The following ADAMTSL4 variants were observed in gnomAD, a reference collection of about 807,000 sequenced individuals.
The protein encoded by ADAMTSL4 is ADAMTS like 4.
In ADAMTSL4, 97 loss-of-function variants were observed where a neutral mutation model predicts 122.8. The observed-to-expected ratio is 0.79, with a 90% CI of 0.67 to 0.93. The LOEUF (loss-of-function observed/expected upper bound fraction) is 0.93, where lower values mean the gene tolerates loss of function less well. Among genes scored for constraint, ADAMTSL4 ranks in the 40% least tolerant of loss-of-function variants. ADAMTSL4 has a pLI of 0.00. For missense variants in ADAMTSL4, 1,408 were observed against 1,453.5 expected, an observed-to-expected ratio of 0.97 and a Z score of 0.51; for synonymous variants, 592 against 568.0, an observed-to-expected ratio of 1.04 and a Z score of -0.60.
Position 150,556,175 on chromosome 1 carries a change from A to G in ADAMTSL4, c.1385A>G (p.Asp462Gly). Reference sequence around the variant, plus strand: ...CACTCTCTCCAGAGCCCCGGCTGTGATGGGATCCTTGGCTCTGGCAGGCGT... The same window carrying G: ...CACTCTCTCCAGAGCCCCGGCTGTGGTGGGATCCTTGGCTCTGGCAGGCGT... ...VAGRCLSPGCDGILGSGRRPD... is the reference protein window; with the variant it reads ...VAGRCLSPGCGGILGSGRRPD... Residue 462 changes from aspartate (D) to glycine (G), a missense_variant, in exon 9 of 19, where the codon GAT becomes GGT. Coordinates refer to ENST00000271643, the MANE Select transcript of ADAMTSL4 (RefSeq NM_019032.6). This position sits in a 1 kb window ranked among gnomAD's most constrained non-coding sequence, Gnocchi z 4.1. 3 of 1,614,050 alleles carry G rather than the reference A, an allele frequency of 1.9e-6. No individual in the cohort carries two copies. In the East Asian group the frequency reaches 6.7e-5, roughly 36 times the overall value.
chr1:150,558,704 A>G (rs753962559), intron 15 of ADAMTSL4, 55 bp downstream of exon 15: 1 of 1,613,128 alleles, frequency 6.2e-7, no homozygotes. Context: ...CGCCCAGGAC[A>G]CCTCAGCCTT....
At position 150,552,805 on chromosome 1, in the gene ADAMTSL4, G is replaced by A; in HGVS notation, c.79-93G>A. 1 of 1,402,696 alleles carries A rather than the reference G, an allele frequency of 7.1e-7. No homozygotes were observed. Among genetic ancestry groups the A allele is most frequent in the South Asian group, 1.2e-5 (1 of 86,556 alleles). The allele number at this position is 1,402,696 out of a possible 1,614,324, so 86.9% of individuals were successfully genotyped here. On this transcript the variant is annotated intron_variant, in intron 4 of 18. Coordinates refer to ENST00000271643, the MANE Select transcript of ADAMTSL4 (RefSeq NM_019032.6). The surrounding 1 kb of genome is among the most constrained non-coding windows in gnomAD (Gnocchi z 4.0). Reference sequence around the variant, plus strand: ...TGCTGAATGTGACCTTGGACTGGTAGCGACTCCGTGAGCCTCAGTGTTGGT... The same window carrying A: ...TGCTGAATGTGACCTTGGACTGGTAACGACTCCGTGAGCCTCAGTGTTGGT...
chr1:150,559,328 C>G lies in ADAMTSL4; in HGVS notation c.2805C>G (p.Ile935Met). 6.2e-7 allele frequency: 1 copy of G among 1,614,084 alleles called. No homozygotes were observed. The stretch of plus-strand genomic sequence containing the variant: ...GCTCTGGCACACAGCGTAGAGACAT[C>G]ATCTGTGTATCCAAACTGGGGACGG... ...ECGSGTQRRD[I>M]ICVSKLGTEF... Residue 935 changes from isoleucine (I) to methionine (M), a missense_variant, in exon 17 of 19, where the codon ATC (isoleucine) becomes ATG (methionine). Coordinates refer to ENST00000271643, the MANE Select transcript of ADAMTSL4 (RefSeq NM_019032.6). This position sits in a 1 kb window ranked among gnomAD's most constrained non-coding sequence, Gnocchi z 4.1.
rs1671809218 is a variant in ADAMTSL4, at chr1:150,554,551, C to CT, written c.1234+85dup. 6.3e-7 allele frequency: 1 copy of CT among 1,581,806 alleles called. No individual in the cohort carries two copies. The highest frequency in any genetic ancestry group is 1.4e-5 in the African/African-American group (1 of 73,810). On this transcript the variant is annotated intron_variant, in intron 7 of 18. Coordinates refer to ENST00000271643, the MANE Select transcript of ADAMTSL4 (RefSeq NM_019032.6). The surrounding 1 kb of genome is among the most constrained non-coding windows in gnomAD (Gnocchi z 4.0). Reference sequence around the variant, plus strand: ...AGGAGATACCTGCTTACTCCCAGCCCTGAATGACTTCCAGCCCCTCTGCTT... The same window carrying CT: ...AGGAGATACCTGCTTACTCCCAGCCCTTGAATGACTTCCAGCCCCTCTGCTT...
At chr1:150,553,299 C>A (rs752674538) in intron 5 of ADAMTSL4, 46 bp downstream of exon 5, 5 of 1,608,740 alleles carry the variant, frequency 3.1e-6, no homozygotes, top group Non-Finnish European at 4.3e-6. Flanking sequence ...AAGGTGGGGG[C>A]TTAGCATGAA....
chr1:150,553,149 C>T lies in ADAMTSL4; in HGVS notation c.330C>T (p.Thr110=), dbSNP rs1472641341. The T allele has an allele frequency of 3.7e-6, 6 of 1,612,936 alleles. No individual in the cohort carries two copies. Among genetic ancestry groups the T allele is most frequent in the East Asian group, 2.2e-5 (1 of 44,880 alleles). Residue 110 remains threonine, a synonymous_variant, in exon 5 of 19, where the codon ACC becomes ACT. Coordinates refer to ENST00000271643, the MANE Select transcript of ADAMTSL4 (RefSeq NM_019032.6). ...QGPRPQTSPE[T]LPLYRTQSRG... is the part of the protein sequence containing the mutation. ...CCAGACCCCAGACTTCTCCAGAAAC[C>T]CTCCCCTTGTACAGGACACAGTCTC... is the stretch of plus-strand genomic sequence containing the variant.
chr1:150,558,078 C>A lies in ADAMTSL4; in HGVS notation c.2311C>A (p.Arg771=). Residue 771 remains arginine (R), a synonymous_variant, in exon 14 of 19, where the codon CGG becomes AGG. Coordinates refer to ENST00000271643, the MANE Select transcript of ADAMTSL4 (RefSeq NM_019032.6). Reference sequence around the variant, plus strand: ...CCCGGAGCGCTGTGGACATCTCCCCCGGCCCAACATCACCCAGTCTTGCCA... The same window carrying A: ...CCCGGAGCGCTGTGGACATCTCCCCAGGCCCAACATCACCCAGTCTTGCCA... ...VPPERCGHLP[R]PNITQSCQLR... 1 of 1,613,210 alleles carries A rather than the reference C, an allele frequency of 6.2e-7. No individual in the cohort carries two copies. Among genetic ancestry groups the A allele is most frequent in the Non-Finnish European group, 8.5e-7 (1 of 1,180,012 alleles).
chr1:150,552,727 C>A lies in ADAMTSL4; in HGVS notation c.78+127C>A. On this transcript the variant is annotated intron_variant, in intron 4 of 18. Coordinates refer to ENST00000271643, the MANE Select transcript of ADAMTSL4 (RefSeq NM_019032.6). The surrounding 1 kb of genome is among the most constrained non-coding windows in gnomAD (Gnocchi z 4.0). ...GCCCACCCACCTCCCCTGCCAACTC[C>A]CCAGTTCCTTGCCTCATAACACCAA... is the stretch of plus-strand genomic sequence containing the variant. 7.4e-7 allele frequency: 1 copy of A among 1,359,406 alleles called. No individual in the cohort carries two copies. The highest frequency in any genetic ancestry group is 1.0e-6 in the Non-Finnish European group (1 of 974,124). 84.2% of individuals were successfully genotyped at this position (1,359,406 alleles called of 1,614,324 possible). A position where few individuals can be genotyped will look rare whatever the true frequency, so the allele number is the denominator to read the frequency against.
intron 5 of ADAMTSL4, 29 bp from the exon 6 acceptor site, chr1:150,553,397 G>A: frequency 6.2e-7 from 1 of 1,612,142 alleles, no homozygotes; most frequent in South Asian, 1.1e-5. Flanking sequence ...GGTCAGAGCT[G>A]TGCCCCCACA....
At chr1:150,558,294 G>T in intron 14 of ADAMTSL4, 145 bp downstream of exon 14, 1 of 1,516,190 alleles carries the variant, frequency 6.6e-7, no homozygotes, top group South Asian at 1.2e-5. Context: ...GTCAGATAAG[G>T]GACTGAACCA....
At chr1:150,555,293 C>T in intron 7 of ADAMTSL4, 136 bp from the exon 8 acceptor site, 1 of 1,149,946 alleles carries the variant, frequency 8.7e-7, no homozygotes, top group Non-Finnish European at 1.2e-6. Flanking sequence ...CGGCCCTGAC[C>T]ACCTCAGCTT....
chr1:150,558,656 C>T lies in ADAMTSL4; in HGVS notation c.2559+7C>T. On this transcript the variant is annotated splice_region_variant and intron_variant, in intron 15 of 18. Transcript: ENST00000271643. ...CAGCGACTGGAGCTCCAAGGTGAGCCCGGAACCCCCAGCCATATCCTGCAT... is the reference window on the plus strand; with the variant it reads ...CAGCGACTGGAGCTCCAAGGTGAGCTCGGAACCCCCAGCCATATCCTGCAT... The T allele has an allele frequency of 6.2e-7, 1 of 1,613,664 alleles. No individual in the cohort carries two copies. Among genetic ancestry groups the T allele is most frequent in the Non-Finnish European group, 8.5e-7 (1 of 1,179,970 alleles).
rs587721308 is a variant in ADAMTSL4 at position 150,553,948 on chromosome 1, G to C, written c.957G>C (p.Thr319=). Residue 319 remains threonine (T), a synonymous_variant, in exon 6 of 19, where the codon ACG becomes ACC. Coordinates refer to ENST00000271643, the MANE Select transcript of ADAMTSL4 (RefSeq NM_019032.6). ...RGQQGQGPWG[T]GGTPHGPRLE... ...AGCAGGGCCAAGGGCCTTGGGGAAC[G>C]GGGGGGACTCCTCACGGGCCCCGCC... The C allele has an allele frequency of 7.5e-6, 12 of 1,603,836 alleles. No individual in the cohort carries two copies. In the African/African-American group the frequency reaches 9.4e-5, roughly 13 times the overall value.
In ADAMTSL4 at chr1:150,560,097, G is replaced by A. The variant is rs755879621; in HGVS notation, c.3126G>A (p.Leu1042=). 1 of 1,614,092 alleles carries A rather than the reference G, an allele frequency of 6.2e-7. No individual in the cohort carries two copies. The highest frequency in any genetic ancestry group is 8.5e-7 in the Non-Finnish European group (1 of 1,180,016). Residue 1042 remains leucine (L), a synonymous_variant, in exon 19 of 19, where the codon CTG becomes CTA. Coordinates refer to ENST00000271643, the MANE Select transcript of ADAMTSL4 (RefSeq NM_019032.6). ...AGGACAGCTCTCCACATTGCCCCCT[G>A]GTGGTACAGGCCCGGCTCTGCGTCT... The part of the protein sequence containing the change: ...QCKDSSPHCP[L]VVQARLCVYP...
Position 150,552,189 on chromosome 1 carries a change from G to C in ADAMTSL4, c.-84-16G>C, listed in dbSNP as rs1273391425. 3.1e-6 allele frequency: 4 copies of C among 1,297,952 alleles called. No individual in the cohort carries two copies. The East Asian group carries it at 1.0e-4, about 33-fold the overall frequency. The allele number at this position is 1,297,952 out of a possible 1,614,324, so 80.4% of individuals were successfully genotyped here. On this transcript the variant is annotated splice_polypyrimidine_tract_variant and intron_variant, in intron 2 of 18. Coordinates refer to ENST00000271643, the MANE Select transcript of ADAMTSL4 (RefSeq NM_019032.6). This position sits in a 1 kb window ranked among gnomAD's most constrained non-coding sequence, Gnocchi z 4.0. ...TGGACACTGGAGAGGTAACCACCAG[G>C]CTTCTGTCCCTGCAGAGAGCACCCT...
Position 150,557,558 on chromosome 1 carries a change from C to G in ADAMTSL4, c.2112C>G (p.Ser704Arg). ...RESGEELDER[S>R]CAAGARPPAS... ...CGGGAGAGGAACTGGATGAACGCAG[C>G]TGTGCCGCGGGTGCCAGGCCCCCAG... The change falls in exon 13 of 19, where the codon AGC (serine) becomes AGG (arginine). Residue 704 changes from serine (S) to arginine (R), a missense_variant. Coordinates refer to ENST00000271643, the MANE Select transcript of ADAMTSL4 (RefSeq NM_019032.6). 3.1e-6 allele frequency: 5 copies of G among 1,608,588 alleles called. No homozygotes were observed. The highest frequency in any genetic ancestry group is 3.4e-6 in the Non-Finnish European group (4 of 1,178,002).
Position 150,558,993 on chromosome 1 carries a change from G to A in ADAMTSL4, c.2591G>A (p.Arg864Gln), listed in dbSNP as rs143983374. The A allele has an allele frequency of 1.4e-4, 223 of 1,610,910 alleles. 2 individuals are homozygous for A. The highest frequency in any genetic ancestry group is 9.8e-4 in the East Asian group (44 of 44,826). ...CSAECGTGIQ[R>Q]RSVVCLGSGA... ...GCCGAGTGTGGGACGGGAATCCAGCGGCGCTCTGTGGTCTGCCTTGGGAGT... is the reference window on the plus strand; with the variant it reads ...GCCGAGTGTGGGACGGGAATCCAGCAGCGCTCTGTGGTCTGCCTTGGGAGT... The change falls in exon 16 of 19, where the codon CGG (arginine) becomes CAG (glutamine). Residue 864 changes from arginine (R) to glutamine (Q), a missense_variant. Physicochemically the swap from Arg to Gln is conservative, Grantham distance 43. Transcript: ENST00000271643.
rs1672223806 is a variant in ADAMTSL4 at position 150,557,148 on chromosome 1, A to G, written c.1862-2A>G. The G allele has an allele frequency of 3.1e-6, 5 of 1,611,522 alleles. No individual in the cohort carries two copies. The highest frequency in any genetic ancestry group is 4.2e-6 in the Non-Finnish European group (5 of 1,179,296). ...ATCTGATTCGCCTGCTCCCCTGCAC[A>G]GAGATTCTGAGGGTGGAGCCCCCAC... On this transcript the variant is annotated splice_acceptor_variant, in intron 11 of 18. Coordinates refer to ENST00000271643, the MANE Select transcript of ADAMTSL4 (RefSeq NM_019032.6). LOFTEE classifies it high-confidence loss of function.
At position 150,556,118 on chromosome 1, in the gene ADAMTSL4, G is replaced by A. The variant is rs760317866; in HGVS notation, c.1372-44G>A. On this transcript the variant is annotated intron_variant, in intron 8 of 18. Transcript: ENST00000271643. The surrounding 1 kb of genome is among the most constrained non-coding windows in gnomAD (Gnocchi z 4.1). Reference sequence around the variant, plus strand: ...AGGGGACCGGGGTGGGGTTGAGGTGGTGTCTGGCGTTCTGTGGCCACTGCC... The same window carrying A: ...AGGGGACCGGGGTGGGGTTGAGGTGATGTCTGGCGTTCTGTGGCCACTGCC... 1.9e-6 allele frequency: 3 copies of A among 1,605,968 alleles called. No individual in the cohort carries two copies. Among genetic ancestry groups the A allele is most frequent in the Non-Finnish European group, 2.6e-6 (3 of 1,174,540 alleles).
Sources: allele counts gnomAD v4.1 joint callset, GRCh38; gene constraint gnomAD v4.1.1; non-coding constraint Gnocchi (gnomAD v3.1); transcripts MANE v1.5; gene names NCBI Gene and HGNC (gene_info 2026-07-23, HGNC 2026-07-21).